The following SMYD3 variants were observed in gnomAD, a reference collection of about 807,000 sequenced individuals.
The protein encoded by SMYD3 is histone-lysine N-methyltransferase SMYD3.
SMYD3 carries 36 observed loss-of-function variants against 57.7 expected under a neutral mutation model. The observed-to-expected ratio is 0.62, with a 90% CI of 0.48 to 0.82. The LOEUF (loss-of-function observed/expected upper bound fraction) is 0.82, where lower values mean the gene tolerates loss of function less well. Among genes scored for constraint, SMYD3 ranks in the 40% least tolerant of loss-of-function variants. The pLI, the probability that SMYD3 is intolerant of heterozygous loss-of-function variation, is 0.00. For synonymous variants in SMYD3, 211 were observed against 195.0 expected, an observed-to-expected ratio of 1.08 and a Z score of -0.68; for missense variants, 515 against 538.8, an observed-to-expected ratio of 0.96 and a Z score of 0.44.
chr1:245,981,450 G>T (rs573893603), intron 5 of SMYD3, among the ~76,000 whole-genome samples: 1 of 152,168 alleles, frequency 6.6e-6, no homozygotes, highest in Non-Finnish European at 1.5e-5. Flanking sequence ...TGACTAAGAA[G>T]AACCTTTCAG....
chr1:246,363,363 G>GC (rs2066038887), intron 1 of SMYD3, among the ~76,000 whole-genome samples: 1 of 151,410 alleles, frequency 6.6e-6, no homozygotes, highest in African/African-American at 2.4e-5. Flanking sequence ...CTGCCCGGCC[G>GC]CCCCTACTGG....
chr1:246,328,117 C>G (rs2065386892), intron 4 of SMYD3, among the ~76,000 whole-genome samples: 1 of 152,060 alleles, frequency 6.6e-6, no homozygotes, highest in African/African-American at 2.4e-5. Flanking sequence ...TCACTTGAAC[C>G]CAGGAGGTGG....
chr1:245,858,082 C>G (rs1477719221), intron 10 of SMYD3, among the ~76,000 whole-genome samples: 1 of 152,166 alleles, frequency 6.6e-6, no homozygotes, highest in Admixed American at 6.5e-5. Flanking sequence ...TCAGCCAGAC[C>G]AAGGGCCCCA....
chr1:246,468,651 A>G (rs192933479), intron 1 of SMYD3, among the ~76,000 whole-genome samples: 14 of 151,972 alleles, frequency 9.2e-5, no homozygotes, highest in African/African-American at 1.2e-4. Context: ...CAAAAAAAGG[A>G]AAAAAAATTA....
chr1:246,282,305 C>CAAAAAAAAAAA (rs57740230), intron 5 of SMYD3, among the ~76,000 whole-genome samples: 46 of 67,912 alleles, frequency 6.8e-4, no homozygotes, highest in Admixed American at 9.8e-4. Context: ...CTCATCTCTA[C>CAAAAAAAAAAA]AAAAAAAAAA....
intron 5 of SMYD3, among the ~76,000 whole-genome samples, chr1:246,118,812 C>T (rs1401578008): frequency 3.6e-5 from 5 of 139,562 alleles, no homozygotes; most frequent in Non-Finnish European, 4.6e-5. Context: ...GAGGCACGTG[C>T]TTTTTTTTTT....
intron 1 of SMYD3, among the ~76,000 whole-genome samples, chr1:246,368,937 T>C (rs2066149445): frequency 6.6e-6 from 1 of 152,216 alleles, no homozygotes; most frequent in Non-Finnish European, 1.5e-5. Flanking sequence ...TGTGAGTTAA[T>C]TCTTAATAAA....
chr1:245,912,498 C>T (rs1306587969), intron 8 of SMYD3, among the ~76,000 whole-genome samples: 1 of 151,980 alleles, frequency 6.6e-6, no homozygotes, highest in African/African-American at 2.4e-5. Context: ...AGAAATAGAA[C>T]TAATGATCCT....
At chr1:246,002,187 T>A (rs1194816174) in intron 5 of SMYD3, among the ~76,000 whole-genome samples, 1 of 151,932 alleles carries the variant, frequency 6.6e-6, no homozygotes, top group Non-Finnish European at 1.5e-5. Context: ...ACCTCCTTTT[T>A]ATTTTATTAT....
At chr1:245,799,815 G>A (rs1372955444) in intron 10 of SMYD3, among the ~76,000 whole-genome samples, 1 of 151,526 alleles carries the variant, frequency 6.6e-6, no homozygotes, top group Non-Finnish European at 1.5e-5. Flanking sequence ...CCCACCTCAT[G>A]CTGCAGCGCT....
intron 5 of SMYD3, among the ~76,000 whole-genome samples, chr1:246,002,176 C>A (rs1477632554): frequency 6.6e-6 from 1 of 151,928 alleles, no homozygotes; most frequent in East Asian, 1.9e-4. Context: ...GCAAGATGAC[C>A]ACCTCCTTTT....
intron 7 of SMYD3, among the ~76,000 whole-genome samples, chr1:245,923,454 G>A (rs1023142335): frequency 6.6e-6 from 1 of 152,162 alleles, no homozygotes; most frequent in African/African-American, 2.4e-5. Flanking sequence ...TCTGTGATAA[G>A]GCTCCCATGG....
intron 8 of SMYD3, among the ~76,000 whole-genome samples, chr1:245,897,652 T>C (rs1278031688): frequency 6.6e-6 from 1 of 152,178 alleles, no homozygotes; most frequent in African/African-American, 2.4e-5. Flanking sequence ...CCCAGCACTT[T>C]GGGAGGCCAG....
intron 1 of SMYD3, among the ~76,000 whole-genome samples, chr1:246,501,096 T>C (rs1271145786): frequency 6.6e-6 from 1 of 152,226 alleles, no homozygotes; most frequent in Non-Finnish European, 1.5e-5. Context: ...ATGATTTTGC[T>C]AGTTGCTTGA....
chr1:245,847,738 C>T (rs766038052), intron 10 of SMYD3, among the ~76,000 whole-genome samples: 6 of 152,006 alleles, frequency 3.9e-5, no homozygotes, highest in Non-Finnish European at 8.8e-5. Flanking sequence ...GCTTAGAGTA[C>T]AATTTGTTGT....
intron 5 of SMYD3, among the ~76,000 whole-genome samples, chr1:246,192,807 T>C (rs2062760530): frequency 6.6e-6 from 1 of 152,048 alleles, no homozygotes; most frequent in African/African-American, 2.4e-5. Context: ...ATTAGCTCTC[T>C]CTAGGGAAAA....
intron 5 of SMYD3, among the ~76,000 whole-genome samples, chr1:246,180,775 A>C: frequency 7.0e-6 from 1 of 143,500 alleles, no homozygotes; most frequent in Non-Finnish European, 1.5e-5. Flanking sequence ...AAAAAAAAAA[A>C]AAAAAAAAAA....
At chr1:246,439,063 T>C (rs542922550) in intron 1 of SMYD3, among the ~76,000 whole-genome samples, 4 of 145,700 alleles carry the variant, frequency 2.7e-5, no homozygotes, top group South Asian at 2.4e-4. Context: ...TTATGCTGTA[T>C]TGGTTTTATT....
rs113665826 is a variant in SMYD3 at position 246,082,475 on chromosome 1, G to A, written c.532-152538C>T. Among the ~76,000 whole-genome samples, 667 of 152,174 alleles carry A rather than the reference G, an allele frequency of 4.4e-3. 7 individuals are homozygous for A. The highest frequency in any genetic ancestry group is 0.015 in the African/African-American group (632 of 41,488). ...GAGGCATACTCAGCATAGCAGGACCGTTTCCTACCCTCCTATGATTTTATC... is the reference window on the plus strand; with the variant it reads ...GAGGCATACTCAGCATAGCAGGACCATTTCCTACCCTCCTATGATTTTATC... On this transcript the variant is annotated intron_variant, in intron 5 of 11. Transcript: ENST00000490107.
Sources: allele counts gnomAD v4.1 joint callset (sites outside exome capture counted in the v4.1 genomes callset), GRCh38; gene constraint gnomAD v4.1.1; transcripts MANE v1.5; gene names NCBI Gene and HGNC (gene_info 2026-07-23, HGNC 2026-07-21).